DNAH9: variants seen among roughly 807,000 people sequenced by gnomAD.
The protein encoded by DNAH9 is dynein axonemal heavy chain 9.
A neutral mutation model predicts 471.6 loss-of-function variants in DNAH9; 345 were observed. That is an observed-to-expected ratio of 0.73 (90% confidence interval 0.67 to 0.80). The LOEUF (loss-of-function observed/expected upper bound fraction) is 0.80. Among genes scored for constraint, DNAH9 ranks in the 30% least tolerant of loss-of-function variants. The pLI is 0.00. For missense variants in DNAH9, 5,407 were observed against 5,609.2 expected (o/e 0.96, Z 1.15); for synonymous variants, 2,093 against 2,123.6 (o/e 0.99, Z 0.40).
intron 62 of DNAH9, among the ~76,000 whole-genome samples, chr17:11,924,220 G>A (rs923476808): frequency 5.3e-5 from 8 of 152,140 alleles, no homozygotes; most frequent in Admixed American, 1.3e-4. Flanking sequence ...TCTAATAGGC[G>A]TTCAGGAAGT....
At chr17:11,708,212 C>T (rs1161911372) in intron 26 of DNAH9, among the ~76,000 whole-genome samples, 1 of 152,088 alleles carries the variant, frequency 6.6e-6, no homozygotes, top group African/African-American at 2.4e-5. Flanking sequence ...TCCCCAGCCC[C>T]TAGTAAGTGT....
In DNAH9 at chr17:11,689,950, G is replaced by A; in HGVS notation, c.4128G>A (p.Leu1376=). The A allele has an allele frequency of 2.5e-6, 4 of 1,612,660 alleles. No individual in the cohort carries two copies. In the South Asian group the frequency reaches 3.3e-5, roughly 13 times the overall value. Residue 1376 remains leucine (L), a synonymous_variant, in exon 20 of 69, where the codon CTG becomes CTA. Transcript: ENST00000262442. ...GCTCCCTGAGGGCAGTAGCTGAGCT[G>A]CAGAATCCAGCCATCCGGGAGCGGC... ...TLSSLRAVAE[L]QNPAIRERHW...
At chr17:11,839,928 T>A (rs1284751606) in intron 49 of DNAH9, among the ~76,000 whole-genome samples, 1 of 152,140 alleles carries the variant, frequency 6.6e-6, no homozygotes, top group Non-Finnish European at 1.5e-5. Context: ...TTGGTCAAAG[T>A]GTGAAGAAAT....
At position 11,756,683 on chromosome 17, in the gene DNAH9, C is replaced by A. The variant is rs371028548; in HGVS notation, c.6847+7C>A. On this transcript the variant is annotated splice_region_variant and intron_variant, in intron 34 of 68. Transcript: ENST00000262442. Reference sequence around the variant, plus strand: ...GCAACTGTCTCTAGAGCAGGTACGGCCCAAGAAGGGAAGAACCACAAAGCT... The same window carrying A: ...GCAACTGTCTCTAGAGCAGGTACGGACCAAGAAGGGAAGAACCACAAAGCT... The A allele has an allele frequency of 2.2e-5, 34 of 1,570,690 alleles. No individual in the cohort carries two copies. The African/African-American group carries it at 3.8e-4, about 17-fold the overall frequency.
intron 61 of DNAH9, among the ~76,000 whole-genome samples, chr17:11,918,551 GT>G (rs1255732657): frequency 2.6e-5 from 4 of 152,134 alleles, no homozygotes; most frequent in African/African-American, 9.7e-5. Context: ...TAAAAGGCAA[GT>G]AAAAGATAGA....
At position 11,774,876 on chromosome 17, in the gene DNAH9, G is replaced by A. The variant is rs78129076; in HGVS notation, c.7552+5547G>A. Among the ~76,000 whole-genome samples, 436 of 151,504 alleles carry A rather than the reference G, an allele frequency of 2.9e-3. 1 individual carries two copies. The highest frequency in any genetic ancestry group is 9.7e-3 in the African/African-American group (402 of 41,262). On this transcript the variant is annotated intron_variant, in intron 38 of 68. Transcript: ENST00000262442. ...AAAAAAACTATATTGAGTTATAATCGACATACAATAAACTGTACATATTTA... is the reference window on the plus strand; with the variant it reads ...AAAAAAACTATATTGAGTTATAATCAACATACAATAAACTGTACATATTTA...
intron 9 of DNAH9, 69 bp from the exon 10 acceptor site, chr17:11,640,201 G>A (rs1199576992): frequency 5.8e-6 from 5 of 860,000 alleles, no homozygotes; most frequent in Middle Eastern, 2.7e-4. Flanking sequence ...CTTGGTGGGA[G>A]GTGTTTGCCG....
intron 30 of DNAH9, 54 bp from the exon 31 acceptor site, chr17:11,744,743 C>A (rs1255831166): frequency 1.3e-6 from 2 of 1,493,528 alleles, no homozygotes; most frequent in Non-Finnish European, 9.2e-7. Flanking sequence ...CAGACACTCA[C>A]CCCAGCACAT....
At chr17:11,651,626 C>T (rs1173967536) in intron 13 of DNAH9, among the ~76,000 whole-genome samples, 1 of 152,168 alleles carries the variant, frequency 6.6e-6, no homozygotes, top group African/African-American at 2.4e-5. Flanking sequence ...AGTGACAGCT[C>T]TTACTATATT....
chr17:11,675,169 T>G (rs1051704282), intron 17 of DNAH9, among the ~76,000 whole-genome samples: 9 of 152,166 alleles, frequency 5.9e-5, no homozygotes, highest in Admixed American at 2.6e-4. Flanking sequence ...CTTTAAAAAT[T>G]TTGCATATTT....
In DNAH9 at chr17:11,937,984, CT is replaced by C. The variant is rs1320949157; in HGVS notation, c.12660+464del. On this transcript the variant is annotated intron_variant, in intron 66 of 68. Coordinates refer to ENST00000262442, the MANE Select transcript of DNAH9 (RefSeq NM_001372.4). This position sits in a 1 kb window ranked among gnomAD's most constrained non-coding sequence, Gnocchi z 4.1. ...GTCCTTCATAATGCAAACGCCTTCCCTTCGTGTGAATGGCTTCTAGTCCGAG... is the reference window on the plus strand; with the variant it reads ...GTCCTTCATAATGCAAACGCCTTCCCTCGTGTGAATGGCTTCTAGTCCGAG... Among the ~76,000 whole-genome samples, 2 of 152,198 alleles carry C rather than the reference CT, an allele frequency of 1.3e-5. No homozygotes were observed. The highest frequency in any genetic ancestry group is 4.8e-5 in the African/African-American group (2 of 41,446).
intron 9 of DNAH9, 56 bp from the exon 10 acceptor site, chr17:11,640,214 C>T (rs1023482888): frequency 1.2e-5 from 12 of 1,040,602 alleles, no homozygotes; most frequent in South Asian, 2.9e-5. Context: ...GTTTGCCGAG[C>T]GGAGAGGACT....
intron 6 of DNAH9, among the ~76,000 whole-genome samples, chr17:11,621,651 G>A (rs1343834688): frequency 6.6e-6 from 1 of 152,180 alleles, no homozygotes; most frequent in Non-Finnish European, 1.5e-5. Flanking sequence ...GAGATACAAA[G>A]ACGACTGAAA....
At chr17:11,854,908 A>G (rs1160558795) in intron 50 of DNAH9, among the ~76,000 whole-genome samples, 2 of 152,222 alleles carry the variant, frequency 1.3e-5, no homozygotes, top group African/African-American at 4.8e-5. Flanking sequence ...GTCCATAAAT[A>G]TAAAACTGTG....
rs756984342 is a variant in DNAH9, at chr17:11,636,660, T to G, written c.1662T>G (p.Leu554=). The change falls in exon 9 of 69, where the codon CTT becomes CTG. Residue 554 remains leucine (L), a synonymous_variant. Transcript: ENST00000262442. ...FKLLDIAGNL[L]ERPLVARDTS... ...TGCTAGACATAGCAGGAAACCTCCT[T>G]GAAAGACCGCTGGTAGCGAGGGATA... The G allele has an allele frequency of 1.2e-6, 2 of 1,613,972 alleles. No individual in the cohort carries two copies. The highest frequency in any genetic ancestry group is 1.6e-4 in the Middle Eastern group (1 of 6,062).
intron 68 of DNAH9, among the ~76,000 whole-genome samples, chr17:11,968,263 CA>C (rs1290692452): frequency 6.6e-6 from 1 of 152,168 alleles, no homozygotes; most frequent in African/African-American, 2.4e-5. Flanking sequence ...CTCTATGGGG[CA>C]AGGAGGTCCC....
At chr17:11,804,525 G>T (rs1454848930) in intron 43 of DNAH9, among the ~76,000 whole-genome samples, 1 of 152,162 alleles carries the variant, frequency 6.6e-6, no homozygotes, top group East Asian at 1.9e-4. Flanking sequence ...ATTTAAAAAT[G>T]TTCAATTCCC....
chr17:11,863,031 G>T (rs969856235), intron 50 of DNAH9, among the ~76,000 whole-genome samples: 1 of 152,024 alleles, frequency 6.6e-6, no homozygotes, highest in African/African-American at 2.4e-5. Flanking sequence ...CTGCCTAACT[G>T]CCCTGGACAG....
chr17:11,939,206 C>T (rs2151043396), intron 66 of DNAH9, among the ~76,000 whole-genome samples: 1 of 152,220 alleles, frequency 6.6e-6, no homozygotes, highest in African/African-American at 2.4e-5. Context: ...TCACTCTACT[C>T]AGTCTATTCC....
Sources: gnomAD v4.1 joint callset for allele counts (sites outside exome capture counted in the v4.1 genomes callset) on GRCh38, gnomAD v4.1.1 for gene constraint, Gnocchi (gnomAD v3.1) non-coding constraint, MANE v1.5 for transcripts, NCBI Gene and HGNC (gene_info 2026-07-23, HGNC 2026-07-21) for gene names.